CDH12: variants seen among roughly 807,000 people sequenced by gnomAD.
CDH12 encodes the protein cadherin 12.
CDH12 carries 41 observed loss-of-function variants against 74.1 expected under a neutral mutation model. That is an observed-to-expected ratio of 0.55 (90% CI 0.43 to 0.72). CDH12 has a LOEUF of 0.72. Among genes scored for constraint, CDH12 ranks in the 30% least tolerant of loss-of-function variants. The pLI is 0.00. For missense variants in CDH12, 945 were observed against 977.2 expected (o/e 0.97, Z 0.44); for synonymous variants, 399 against 355.0 (o/e 1.12, Z -1.39).
At chr5:22,831,066 T>G (rs896197714) in intron 1 of CDH12, among the ~76,000 whole-genome samples, 4 of 152,024 alleles carry the variant, frequency 2.6e-5, no homozygotes, top group Non-Finnish European at 4.4e-5. Context: ...TATTAAAAGA[T>G]GAGAGATTCA....
intron 6 of CDH12, chr5:21,883,049 T>A: frequency 6.2e-7 from 1 of 1,610,662 alleles, no homozygotes; most frequent in Non-Finnish European, 8.5e-7. Context: ...CTGTAATTGC[T>A]GAACTTAAAA....
chr5:21,849,938 G>A (rs1750374027), intron 7 of CDH12, among the ~76,000 whole-genome samples: 1 of 151,672 alleles, frequency 6.6e-6, no homozygotes, highest in Non-Finnish European at 1.5e-5. Flanking sequence ...ATAAGAAACT[G>A]TGGTATACAC....
chr5:22,339,229 A>G (rs1000072196), intron 3 of CDH12, among the ~76,000 whole-genome samples: 4 of 152,184 alleles, frequency 2.6e-5, no homozygotes, highest in African/African-American at 9.6e-5. Context: ...TTTTTGCCTT[A>G]GAGACTGCAG....
chr5:22,833,979 T>A (rs1052142985), intron 1 of CDH12, among the ~76,000 whole-genome samples: 13 of 152,084 alleles, frequency 8.5e-5, no homozygotes, highest in Admixed American at 7.2e-4. Flanking sequence ...GACATGACCC[T>A]CCATTAACTC....
chr5:22,452,501 GA>G (rs886535751), intron 2 of CDH12, among the ~76,000 whole-genome samples: 1 of 151,880 alleles, frequency 6.6e-6, no homozygotes, highest in African/African-American at 2.4e-5. Flanking sequence ...ATGGTTCTGA[GA>G]AAATTTTTTA....
intron 3 of CDH12, among the ~76,000 whole-genome samples, chr5:22,339,228 T>C (rs543459500): frequency 1.3e-5 from 2 of 152,178 alleles, no homozygotes; most frequent in Admixed American, 6.5e-5. Flanking sequence ...ATTTTTGCCT[T>C]AGAGACTGCA....
intron 9 of CDH12, among the ~76,000 whole-genome samples, chr5:21,808,071 C>T (rs191469305): frequency 1.5e-4 from 23 of 152,078 alleles, no homozygotes; most frequent in African/African-American, 4.8e-4. Context: ...TGATATTTGG[C>T]GAGAGCTAAC....
chr5:21,909,798 T>C (rs370637071), intron 6 of CDH12, among the ~76,000 whole-genome samples: 2 of 152,144 alleles, frequency 1.3e-5, no homozygotes, highest in African/African-American at 4.8e-5. Context: ...AATTTAACTA[T>C]ATGAAAAAAA....
At chr5:22,142,390 A>T (rs1298484532) in intron 4 of CDH12, 1 of 513,466 alleles carries the variant, frequency 1.9e-6, no homozygotes, top group East Asian at 4.7e-5. Context: ...CACAAAAACC[A>T]AAGAAAAAAC....
chr5:22,513,457 A>T (rs1580722513), intron 1 of CDH12, among the ~76,000 whole-genome samples: 2 of 152,296 alleles, frequency 1.3e-5, no homozygotes, highest in South Asian at 2.1e-4. Context: ...CTGAATAATG[A>T]ACATGAAATG....
In CDH12 at chr5:22,743,738, T is replaced by C. The variant is rs78143694; in HGVS notation, c.-523+109320A>G. On this transcript the variant is annotated intron_variant, in intron 1 of 14. Transcript: ENST00000382254. ...AAAGACATTTTTAAAAATCTTTGTT[T>C]GGCATAGCAATTTTTTTCTCTACTT... is the stretch of plus-strand genomic sequence containing the variant. 1.4e-4 allele frequency among the ~76,000 whole-genome samples: 21 copies of C among 152,336 alleles called. No homozygotes were observed. The East Asian group carries it at 4.1e-3, about 29-fold the overall frequency.
At chr5:22,268,302 C>A (rs1187131771) in intron 3 of CDH12, among the ~76,000 whole-genome samples, 5 of 151,848 alleles carry the variant, frequency 3.3e-5, no homozygotes, top group African/African-American at 1.2e-4. Flanking sequence ...TTTATATATA[C>A]CCTCTTGGAC....
chr5:21,790,953 G>A (rs1224382997), intron 10 of CDH12, among the ~76,000 whole-genome samples: 1 of 152,020 alleles, frequency 6.6e-6, no homozygotes, highest in East Asian at 1.9e-4. Context: ...CTGTTTGACT[G>A]TCATTCGCTA....
intron 1 of CDH12, among the ~76,000 whole-genome samples, chr5:22,735,547 T>C (rs1048772186): frequency 6.6e-6 from 1 of 151,926 alleles, no homozygotes; most frequent in African/African-American, 2.4e-5. Flanking sequence ...ACCCCGAATG[T>C]CATCTTTCAA....
At position 22,632,610 on chromosome 5, in the gene CDH12, A is replaced by C. The variant is rs530587676; in HGVS notation, c.-522-127246T>G. 4.6e-5 allele frequency among the ~76,000 whole-genome samples: 7 copies of C among 152,272 alleles called. No homozygotes were observed. The South Asian group carries it at 1.5e-3, about 32-fold the overall frequency. ...CATGAACATGAAGATAGGACAGTTG[A>C]GATAATCCATAATAATATGCAGAAA... On this transcript the variant is annotated intron_variant, in intron 1 of 14. Transcript: ENST00000382254.
chr5:22,348,476 C>A (rs1459216456), intron 3 of CDH12, among the ~76,000 whole-genome samples: 2 of 152,086 alleles, frequency 1.3e-5, no homozygotes, highest in African/African-American at 2.4e-5. Flanking sequence ...AAAGCTTCAA[C>A]TCAGAAATGT....
At chr5:22,505,416 C>T (rs1007869399) in intron 1 of CDH12, 52 bp from the exon 2 acceptor site, 13 of 616,456 alleles carry the variant, frequency 2.1e-5, no homozygotes, top group Non-Finnish European at 2.4e-5. Flanking sequence ...TTCTAATAAA[C>T]ATTTATTTTA....
Position 21,922,728 on chromosome 5 carries a change from C to A in CDH12, c.526+52363G>T, listed in dbSNP as rs772861321. On this transcript the variant is annotated intron_variant, in intron 6 of 14. Coordinates refer to ENST00000382254, the MANE Select transcript of CDH12 (RefSeq NM_004061.5). The stretch of plus-strand genomic sequence containing the variant: ...CAATTCACCCTATTCCCTTATTTTT[C>A]TTTTTTAAAGATCCACTTATGGGCT... Among the ~76,000 whole-genome samples the A allele has an allele frequency of 3.3e-5, 5 of 151,944 alleles. No individual in the cohort carries two copies. In the South Asian group the frequency reaches 1.0e-3, roughly 31 times the overall value.
At chr5:22,683,462 T>C (rs1741603127) in intron 1 of CDH12, among the ~76,000 whole-genome samples, 1 of 152,190 alleles carries the variant, frequency 6.6e-6, no homozygotes, top group South Asian at 2.1e-4. Context: ...AAGTAAATAA[T>C]GATAATGCTG....
Sources: gnomAD v4.1 joint callset for allele counts (sites outside exome capture counted in the v4.1 genomes callset) on GRCh38, gnomAD v4.1.1 for gene constraint, MANE v1.5 for transcripts, NCBI Gene and HGNC (gene_info 2026-07-23, HGNC 2026-07-21) for gene names.